NRIP3: variants seen among roughly 807,000 people sequenced by gnomAD.
NRIP3 encodes the protein nuclear receptor interacting protein 3.
A neutral mutation model predicts 29.0 loss-of-function variants in NRIP3; 31 were observed. That is an observed-to-expected ratio of 1.07 (90% CI 0.80 to 1.44). The LOEUF is 1.44. NRIP3 is among the 40% of genes most tolerant of loss of function. NRIP3 has a pLI of 0.00. For synonymous variants in NRIP3, 131 were observed against 118.3 expected (o/e 1.11, Z -0.70); for missense variants, 314 against 297.9 (o/e 1.05, Z -0.40).
chr11:8,993,329 G>GA (rs1203353647), intron 1 of NRIP3, among the ~76,000 whole-genome samples: 13 of 152,232 alleles, frequency 8.5e-5, no homozygotes, highest in Middle Eastern at 6.8e-3. Flanking sequence ...TTAATTTTGA[G>GA]AAAAATGTTT....
At chr11:9,000,170 T>C (rs555624558) in intron 1 of NRIP3, among the ~76,000 whole-genome samples, 1 of 152,378 alleles carries the variant, frequency 6.6e-6, no homozygotes, top group African/African-American at 2.4e-5. Context: ...GAAACTTTTC[T>C]GTCTTCCTAT....
At chr11:8,991,570 GAAC>G (rs747327913) in intron 1 of NRIP3, among the ~76,000 whole-genome samples, 6 of 151,708 alleles carry the variant, frequency 4.0e-5, no homozygotes, top group Non-Finnish European at 7.4e-5. Flanking sequence ...AAAACAAAAA[GAAC>G]AATAAAGAAG....
rs1185346081 is a variant in NRIP3, at chr11:8,984,056, G to A, written c.615+16C>T. ...TCAGAGAGGAAGTATCAAGGGGTAA[G>A]TGGAGTCAATCTTACCTTCAGAGAT... is the stretch of plus-strand genomic sequence containing the variant. On this transcript the variant is annotated intron_variant, in intron 5 of 6. Coordinates refer to ENST00000309166, the MANE Select transcript of NRIP3 (RefSeq NM_020645.3). The A allele has an allele frequency of 5.0e-6, 8 of 1,610,156 alleles. No homozygotes were observed. The highest frequency in any genetic ancestry group is 4.4e-5 in the South Asian group (4 of 91,002).
In NRIP3 at chr11:8,983,953, T is replaced by C. The variant is rs759190791; in HGVS notation, c.632A>G (p.Asp211Gly). The C allele has an allele frequency of 1.2e-6, 2 of 1,614,192 alleles. No individual in the cohort carries two copies. Among genetic ancestry groups the C allele is most frequent in the Admixed American group, 1.7e-5 (1 of 60,030 alleles). The part of the protein sequence containing the change: ...LRSLKCIINL[D>G]KHRLIMGKTD... ...CTTCCCCATGATCAGCCGGTGCTTATCCAAGTTTATGATGCACTGAAAACA... is the reference window on the plus strand; with the variant it reads ...CTTCCCCATGATCAGCCGGTGCTTACCCAAGTTTATGATGCACTGAAAACA... The change falls in exon 6 of 7, where the codon GAT (aspartate) becomes GGT (glycine). Residue 211 changes from aspartate (D) to glycine (G), a missense_variant. Physicochemically the swap from Asp to Gly is moderately conservative, Grantham distance 94. Coordinates refer to ENST00000309166, the MANE Select transcript of NRIP3 (RefSeq NM_020645.3).
intron 2 of NRIP3, 118 bp from the exon 3 acceptor site, chr11:8,987,748 A>G (rs2134911724): frequency 2.5e-6 from 2 of 800,566 alleles, no homozygotes. Context: ...CCTCCCAATT[A>G]TGGGTTATAG....
Position 8,984,034 on chromosome 11 carries a change from G to A in NRIP3, c.615+38C>T, listed in dbSNP as rs368554531. ...CCTGTGTAAGAGGATACCTGCCTCAGAGAGGAAGTATCAAGGGGTAAGTGG... is the reference window on the plus strand; with the variant it reads ...CCTGTGTAAGAGGATACCTGCCTCAAAGAGGAAGTATCAAGGGGTAAGTGG... On this transcript the variant is annotated intron_variant, in intron 5 of 6. Transcript: ENST00000309166. 3 of 1,598,656 alleles carry A rather than the reference G, an allele frequency of 1.9e-6. No homozygotes were observed. The African/African-American group carries it at 4.0e-5, about 21-fold the overall frequency.
At chr11:8,992,267 G>A (rs1854616769) in intron 1 of NRIP3, among the ~76,000 whole-genome samples, 1 of 152,116 alleles carries the variant, frequency 6.6e-6, no homozygotes, top group African/African-American at 2.4e-5. Flanking sequence ...AATGCCAAAA[G>A]TTTACTCTTC....
At chr11:8,985,965 C>T in intron 3 of NRIP3, 115 bp from the exon 4 acceptor site, 1 of 1,291,072 alleles carries the variant, frequency 7.7e-7, no homozygotes, top group Non-Finnish European at 1.1e-6. Flanking sequence ...TGGGATTAAT[C>T]TACCGAAAAG....
At chr11:8,985,235 T>A (rs573570460) in intron 4 of NRIP3, among the ~76,000 whole-genome samples, 2 of 146,962 alleles carry the variant, frequency 1.4e-5, no homozygotes, top group East Asian at 2.0e-4. Context: ...AGTGGCACGA[T>A]CTCAGCTCAC....
At chr11:9,002,567 G>A (rs868082103) in intron 1 of NRIP3, among the ~76,000 whole-genome samples, 1 of 117,078 alleles carries the variant, frequency 8.5e-6, no homozygotes, top group Non-Finnish European at 1.6e-5. Flanking sequence ...ATAATATAAT[G>A]TACCTGTGTA....
intron 4 of NRIP3, among the ~76,000 whole-genome samples, chr11:8,985,080 A>T (rs1052302210): frequency 3.3e-5 from 5 of 150,664 alleles, no homozygotes; most frequent in Admixed American, 6.6e-5. Flanking sequence ...CGAACTCCCA[A>T]CCTCAGGTGA....
chr11:9,000,939 T>C (rs903698507), intron 1 of NRIP3, among the ~76,000 whole-genome samples: 2 of 152,026 alleles, frequency 1.3e-5, no homozygotes, highest in Non-Finnish European at 2.9e-5. Flanking sequence ...TGTTGTGGTG[T>C]GCACCTGTAA....
chr11:8,988,306 T>C, intron 1 of NRIP3, 24 bp from the exon 2 acceptor site: 3 of 1,604,544 alleles, frequency 1.9e-6, no homozygotes, highest in Non-Finnish European at 2.6e-6. Flanking sequence ...AAGCAGAGAC[T>C]TCTTAGTGAC....
At chr11:8,995,460 A>G (rs1250968596) in intron 1 of NRIP3, among the ~76,000 whole-genome samples, 1 of 152,206 alleles carries the variant, frequency 6.6e-6, no homozygotes, top group African/African-American at 2.4e-5. Context: ...TGGCACCACC[A>G]TACATCCATT....
In NRIP3 at chr11:8,988,185, A is replaced by G; in HGVS notation, c.272T>C (p.Leu91Pro). The G allele has an allele frequency of 6.2e-7, 1 of 1,614,054 alleles. No individual in the cohort carries two copies. The highest frequency in any genetic ancestry group is 2.2e-5 in the East Asian group (1 of 44,874). The change falls in exon 2 of 7, where the codon CTC (leucine) becomes CCC (proline). Residue 91 changes from leucine (L) to proline (P), a missense_variant. Coordinates refer to ENST00000309166, the MANE Select transcript of NRIP3 (RefSeq NM_020645.3). ...RVPWASKTNK[L>P]NQAKSEGLKK... Reference sequence around the variant, plus strand: ...TAGCCCCTCAGACTTAGCCTGATTGAGTTTGTTCGTCTTAGAGGCCCAAGG... The same window carrying G: ...TAGCCCCTCAGACTTAGCCTGATTGGGTTTGTTCGTCTTAGAGGCCCAAGG...
At chr11:8,992,456 G>C (rs551030772) in intron 1 of NRIP3, among the ~76,000 whole-genome samples, 70 of 152,224 alleles carry the variant, frequency 4.6e-4, no homozygotes, top group Non-Finnish European at 8.5e-4. Context: ...TCCACATCAA[G>C]ATTTCACATC....
intron 4 of NRIP3, 69 bp downstream of exon 4, chr11:8,985,639 CATG>C: frequency 6.5e-7 from 1 of 1,541,690 alleles, no homozygotes; most frequent in Non-Finnish European, 8.8e-7. Flanking sequence ...CATGAGATGA[CATG>C]AGGTTTTGTT....
chr11:8,998,784 ATTTTTTTTTTTTT>A (rs767253373), intron 1 of NRIP3, among the ~76,000 whole-genome samples: 130 of 77,608 alleles, frequency 1.7e-3, no homozygotes, highest in African/African-American at 5.0e-3. Context: ...CAAACTCTTC[ATTTTTTTTTTTTT>A]TTTTTTTTTT....
intron 1 of NRIP3, among the ~76,000 whole-genome samples, chr11:8,996,080 T>A (rs1854698277): frequency 6.6e-6 from 1 of 152,228 alleles, no homozygotes; most frequent in Admixed American, 6.5e-5. Context: ...CAAATCTCAC[T>A]ATTTCTTTCA....
Sources: gnomAD v4.1 joint callset for allele counts (sites outside exome capture counted in the v4.1 genomes callset) on GRCh38, gnomAD v4.1.1 for gene constraint, MANE v1.5 for transcripts, NCBI Gene and HGNC (gene_info 2026-07-23, HGNC 2026-07-21) for gene names.